Variants in PATL1 observed in about 807,000 individuals in gnomAD.
The protein encoded by PATL1 is protein PAT1 homolog 1.
Under a neutral mutation model 100.6 loss-of-function variants are expected in PATL1, and 32 were observed. That is an observed-to-expected ratio of 0.32 (90% CI 0.24 to 0.43). The LOEUF (loss-of-function observed/expected upper bound fraction) is 0.43. Ranked by LOEUF, PATL1 falls within the 20% of genes least tolerant of loss-of-function variation. The pLI, the probability that PATL1 is intolerant of heterozygous loss-of-function variation, is 1.00. For missense variants in PATL1, 747 were observed against 949.9 expected (o/e 0.79, Z 2.81); for synonymous variants, 332 against 330.0 (o/e 1.01, Z -0.07).
chr11:59,657,658 C>T lies in PATL1; in HGVS notation c.493G>A (p.Asp165Asn). Residue 165 changes from aspartate (D) to asparagine (N), a missense_variant, in exon 5 of 19, where the codon GAT (aspartate) becomes AAT (asparagine). Physicochemically the swap from Asp to Asn is conservative, Grantham distance 23 (BLOSUM62 1). This residue lies in a region of PATL1 where 183 missense variants were observed against 221.2 expected (regional missense o/e 0.83). Coordinates refer to ENST00000300146, the MANE Select transcript of PATL1 (RefSeq NM_152716.3). ...PQRPPQGPED[D>N]RDLSERALPR... The stretch of plus-strand genomic sequence containing the variant: ...AATGCTCGTTCAGAAAGGTCCCGAT[C>T]ATCTTCTGGACCCTGGGGGGGCCTC... 1 of 1,613,706 alleles carries T rather than the reference C, an allele frequency of 6.2e-7. No homozygotes were observed. Among genetic ancestry groups the T allele is most frequent in the Non-Finnish European group, 8.5e-7 (1 of 1,179,760 alleles).
At chr11:59,643,556 A>G (rs1861316859) in intron 15 of PATL1, among the ~76,000 whole-genome samples, 1 of 151,794 alleles carries the variant, frequency 6.6e-6, no homozygotes, top group Non-Finnish European at 1.5e-5. Context: ...AACAAATAAA[A>G]AAGTTTCACC....
At chr11:59,663,630 C>G (rs568278563) in intron 2 of PATL1, among the ~76,000 whole-genome samples, 1 of 152,014 alleles carries the variant, frequency 6.6e-6, no homozygotes, top group Non-Finnish European at 1.5e-5. Context: ...TAATAAGCAC[C>G]ATGTTAAGTG....
At chr11:59,645,040 T>TAA (rs1388518060) in intron 15 of PATL1, among the ~76,000 whole-genome samples, 1 of 144,274 alleles carries the variant, frequency 6.9e-6, no homozygotes, top group African/African-American at 2.7e-5. Context: ...TTTTTTTTTT[T>TAA]AATCCATTCA....
rs1192822885 is a variant in PATL1 at position 59,659,349 on chromosome 11, T to C, written c.248A>G (p.Glu83Gly). The part of the protein sequence containing the change: ...RDEMDLLGDH[E>G]ENLAERLSKM... ...ACTGAGCCTTTCTGCCAGATTCTCC[T>C]CATGGTCACCCAACAAGTCCATTTC... The change falls in exon 3 of 19, where the codon GAG becomes GGG. Residue 83 changes from glutamate to glycine, a missense_variant. Transcript: ENST00000300146. The C allele has an allele frequency of 6.4e-7, 1 of 1,551,442 alleles. No homozygotes were observed. Among genetic ancestry groups the C allele is most frequent in the Admixed American group, 2.0e-5 (1 of 50,984 alleles).
chr11:59,639,269 G>T, intron 17 of PATL1, 23 bp downstream of exon 17: 1 of 1,562,534 alleles, frequency 6.4e-7, no homozygotes, highest in South Asian at 1.2e-5. Flanking sequence ...CTTAAAATAA[G>T]AGAAGAAACA....
chr11:59,667,175 C>T, intron 1 of PATL1: 1 of 771,508 alleles, frequency 1.3e-6, no homozygotes, highest in Non-Finnish European at 1.6e-6. Flanking sequence ...ATCCTTATTT[C>T]ATTTAATTCT....
chr11:59,662,887 A>G (rs985084687), intron 2 of PATL1, among the ~76,000 whole-genome samples: 2 of 152,176 alleles, frequency 1.3e-5, no homozygotes, highest in Non-Finnish European at 2.9e-5. Context: ...ATATTGGTTA[A>G]GTCGCCATAT....
At chr11:59,640,516 G>A (rs190081507) in intron 16 of PATL1, among the ~76,000 whole-genome samples, 286 of 147,798 alleles carry the variant, frequency 1.9e-3, no homozygotes, top group Admixed American at 3.7e-3. Flanking sequence ...TCAGGAGATC[G>A]AGATCATCCT....
chr11:59,663,065 A>AT (rs1246055084), intron 2 of PATL1, among the ~76,000 whole-genome samples: 5 of 152,166 alleles, frequency 3.3e-5, no homozygotes, highest in Non-Finnish European at 7.4e-5. Flanking sequence ...ATAAAACAAT[A>AT]TTTCACCCTG....
At chr11:59,638,565 C>T (rs1425261805) in intron 18 of PATL1, among the ~76,000 whole-genome samples, 154 bp from the exon 19 acceptor site, 3 of 152,156 alleles carry the variant, frequency 2.0e-5, no homozygotes, top group Non-Finnish European at 2.9e-5. Context: ...TTTATGAAGG[C>T]CCTGTTGTAC....
At position 59,655,433 on chromosome 11, in the gene PATL1, T is replaced by C. The variant is rs909916003; in HGVS notation, c.1031+90A>G. 4.3e-6 allele frequency: 5 copies of C among 1,170,526 alleles called. No individual in the cohort carries two copies. The South Asian group carries it at 5.0e-5, about 12-fold the overall frequency. The allele number at this position is 1,170,526 out of a possible 1,614,324, so 72.5% of individuals were successfully genotyped here. On this transcript the variant is annotated intron_variant, in intron 8 of 18. Transcript: ENST00000300146. ...CCAATAACATCTTAAAATTTATAGT[T>C]AGCAAATATCAAGAGACTTATAAAA... is the stretch of plus-strand genomic sequence containing the variant.
At chr11:59,649,034 G>A (rs918487946) in intron 14 of PATL1, among the ~76,000 whole-genome samples, 8 of 152,190 alleles carry the variant, frequency 5.3e-5, no homozygotes, top group African/African-American at 1.4e-4. Flanking sequence ...GAAGGGTTTC[G>A]ATAGGATATA....
intron 8 of PATL1, 119 bp downstream of exon 8, chr11:59,655,401 TGAG>T: frequency 2.2e-6 from 2 of 927,640 alleles, no homozygotes; most frequent in Non-Finnish European, 3.2e-6. Flanking sequence ...TTTGCCAACT[TGAG>T]GATCCAATAA....
At chr11:59,643,700 G>T (rs977698668) in intron 15 of PATL1, among the ~76,000 whole-genome samples, 3 of 152,058 alleles carry the variant, frequency 2.0e-5, no homozygotes, top group Non-Finnish European at 4.4e-5. Flanking sequence ...TGTCTCAAAA[G>T]AAGTGTTTTC....
In PATL1 at chr11:59,643,050, T is replaced by C. The variant is rs759587325; in HGVS notation, c.1894-15A>G. On this transcript the variant is annotated splice_polypyrimidine_tract_variant and intron_variant, in intron 15 of 18. Coordinates refer to ENST00000300146, the MANE Select transcript of PATL1 (RefSeq NM_152716.3). ...CATGGCAGCACCTACAAAAAACAAA[T>C]AAAAGCATTATATCCTGGCACGTGT... 1 of 1,612,708 alleles carries C rather than the reference T, an allele frequency of 6.2e-7. No individual in the cohort carries two copies. Among genetic ancestry groups the C allele is most frequent in the East Asian group, 2.2e-5 (1 of 44,842 alleles).
chr11:59,650,741 A>G lies in PATL1; in HGVS notation c.1584+13T>C, dbSNP rs765678461. On this transcript the variant is annotated intron_variant, in intron 13 of 18. Transcript: ENST00000300146. Reference sequence around the variant, plus strand: ...TATTTGAAACTAACTACAGCAACAAATTCTAAACTTACTTTCTCAATTATA... The same window carrying G: ...TATTTGAAACTAACTACAGCAACAAGTTCTAAACTTACTTTCTCAATTATA... 5 of 1,538,536 alleles carry G rather than the reference A, an allele frequency of 3.2e-6. No individual in the cohort carries two copies. The East Asian group carries it at 1.2e-4, about 37-fold the overall frequency.
chr11:59,655,826 C>G, intron 7 of PATL1, 86 bp from the exon 8 acceptor site: 1 of 1,409,292 alleles, frequency 7.1e-7, no homozygotes, highest in Non-Finnish European at 9.8e-7. Flanking sequence ...GGTTTTCCAT[C>G]AATAACTTTG....
chr11:59,667,106 T>C (rs1196305757), intron 1 of PATL1, 142 bp from the exon 2 acceptor site: 1 of 1,414,378 alleles, frequency 7.1e-7, no homozygotes, highest in African/African-American at 1.5e-5. Context: ...TTTTTTCTAC[T>C]TCCCAATTTC....
chr11:59,647,268 C>T (rs2134742542), intron 15 of PATL1, among the ~76,000 whole-genome samples: 1 of 149,882 alleles, frequency 6.7e-6, no homozygotes, highest in South Asian at 2.1e-4. Flanking sequence ...AGCTCAGTTG[C>T]TGTGGGATAC....
Sources: allele counts gnomAD v4.1 joint callset (sites outside exome capture counted in the v4.1 genomes callset), GRCh38; gene constraint gnomAD v4.1.1; regional missense constraint gnomAD v4.1.1; transcripts MANE v1.5; gene names NCBI Gene and HGNC (gene_info 2026-07-23, HGNC 2026-07-21).